IL9R: variants seen among roughly 807,000 people sequenced by gnomAD.
IL9R encodes interleukin-9 receptor.
Under a neutral mutation model 56.3 loss-of-function variants are expected in IL9R, and 54 were observed. That is an observed-to-expected ratio of 0.96 (90% CI 0.77 to 1.20). The LOEUF (loss-of-function observed/expected upper bound fraction) is 1.20. Among genes scored for constraint, IL9R ranks in the 50% most tolerant of loss-of-function variants. The pLI is 0.00. For missense variants in IL9R, 545 were observed against 629.8 expected (o/e 0.87, Z 1.44); for synonymous variants, 212 against 250.2 (o/e 0.85, Z 1.44).
intron 1 of IL9R, chrX:156,001,658 T>C (rs2067538303): frequency 3.5e-6 from 2 of 570,402 alleles, no homozygotes; most frequent in South Asian, 1.8e-5. Flanking sequence ...TGTGCGTGTC[T>C]GGTTTTTTCC....
intron 1 of IL9R, among the ~76,000 whole-genome samples, chrX:155,998,007 C>T (rs1165863088): frequency 2.0e-5 from 3 of 152,116 alleles, no homozygotes; most frequent in Non-Finnish European, 4.4e-5. Context: ...ATTTCCAGTC[C>T]TGTAGGGGTC....
chrX:156,007,015 T>C (rs1021196023), intron 7 of IL9R, among the ~76,000 whole-genome samples: 1 of 151,750 alleles, frequency 6.6e-6, no homozygotes, highest in African/African-American at 2.4e-5. Context: ...GGATGAGATA[T>C]GAGTGGTGAC....
intron 4 of IL9R, 75 bp downstream of exon 4, chrX:156,003,930 G>T: frequency 1.4e-6 from 2 of 1,470,792 alleles, no homozygotes; most frequent in Non-Finnish European, 1.9e-6. Flanking sequence ...TTGGAGCAGG[G>T]CCTTGCAGCC....
intron 1 of IL9R, among the ~76,000 whole-genome samples, chrX:156,001,056 G>C (rs375285340): frequency 1.3e-5 from 2 of 152,084 alleles, no homozygotes; most frequent in Admixed American, 6.5e-5. Context: ...CCCCCTTGTC[G>C]CTGTACCCAA....
chrX:156,001,597 G>A, intron 1 of IL9R: 1 of 891,110 alleles, frequency 1.1e-6, no homozygotes, highest in East Asian at 2.5e-5. Context: ...TGGGGTTAGA[G>A]TAGTGCCTGC....
At chrX:156,007,278 G>A (rs2068038815) in intron 7 of IL9R, among the ~76,000 whole-genome samples, 3 of 142,638 alleles carry the variant, frequency 2.1e-5, no homozygotes, top group South Asian at 2.3e-4. Flanking sequence ...TTCTGAACCC[G>A]CCATCGCAGC....
chrX:156,007,113 C>G (rs1438492593), intron 7 of IL9R, among the ~76,000 whole-genome samples: 1 of 151,066 alleles, frequency 6.6e-6, no homozygotes, highest in Non-Finnish European at 1.5e-5. Flanking sequence ...AGGTGACATC[C>G]TTGTGGGAGG....
chrX:156,000,122 C>G (rs914857867), intron 1 of IL9R, among the ~76,000 whole-genome samples: 1 of 137,626 alleles, frequency 7.3e-6, no homozygotes, highest in African/African-American at 2.8e-5. Flanking sequence ...AGCGACAGAG[C>G]GAGACTCCGT....
In IL9R at chrX:156,003,708, A is replaced by G. The variant is rs376030741; in HGVS notation, c.286A>G (p.Ile96Val). The change falls in exon 4 of 9, where the codon ATC (isoleucine) becomes GTC (valine). Residue 96 changes from isoleucine (I) to valine (V), a missense_variant. This residue lies in a region of IL9R where 431 missense variants were observed against 360.0 expected (regional missense o/e 1.20). Transcript: ENST00000244174. ...NQAPGGTHKC[I>V]LRGSECTVVL... ...GGCTCCTGGCGGCACACATAAGTGCATCTTGCGGGGCAGTGAGTGCACCGT... is the reference window on the plus strand; with the variant it reads ...GGCTCCTGGCGGCACACATAAGTGCGTCTTGCGGGGCAGTGAGTGCACCGT... The G allele has an allele frequency of 3.7e-6, 6 of 1,613,518 alleles. No homozygotes were observed. The highest frequency in any genetic ancestry group is 2.7e-5 in the African/African-American group (2 of 74,918).
At chrX:156,008,858 C>CGT (rs1165051522) in intron 8 of IL9R, among the ~76,000 whole-genome samples, 14 of 149,562 alleles carry the variant, frequency 9.4e-5, no homozygotes, top group South Asian at 6.4e-4. Flanking sequence ...GACAGCGATT[C>CGT]GTGTGTGTGT....
intron 1 of IL9R, 38 bp from the exon 2 acceptor site, chrX:156,002,868 G>C: frequency 1.2e-6 from 2 of 1,613,142 alleles, no homozygotes; most frequent in Admixed American, 3.3e-5. Flanking sequence ...TCCAGAGAGG[G>C]ATGATTTGCA....
chrX:156,004,059 G>A lies in IL9R; in HGVS notation c.433+204G>A, dbSNP rs182314834. Among the ~76,000 whole-genome samples the A allele has an allele frequency of 2.0e-4, 31 of 152,312 alleles. No homozygotes were observed. The East Asian group carries it at 6.0e-3, about 29-fold the overall frequency. On this transcript the variant is annotated intron_variant, in intron 4 of 8. Coordinates refer to ENST00000244174, the MANE Select transcript of IL9R (RefSeq NM_002186.3). ...TACTGCAGGGGCAGGGTTTTGGCAG[G>A]AAATAAACATGCACGGCTGCTAGTT...
intron 8 of IL9R, among the ~76,000 whole-genome samples, chrX:156,009,260 G>GTGTGTTTATGTGTGTGTGTC (rs2068291765): frequency 4.6e-5 from 4 of 86,756 alleles, no homozygotes; most frequent in South Asian, 4.5e-4. Flanking sequence ...GTCTGTGTGT[G>GTGTGTTTATGTGTGTGTGTC]TGTGTTTGTG....
Position 156,006,200 on chromosome X carries a change from A to T in IL9R, c.887+12A>T. On this transcript the variant is annotated intron_variant, in intron 7 of 8. Transcript: ENST00000244174. ...AAGCTGTCGCCCAGGTAGGTGGCTG[A>T]TGTGTGCGTGTGTGTACATGTGTGA... 1.0e-6 allele frequency: 1 copy of T among 975,624 alleles called. No homozygotes were observed. Among genetic ancestry groups the T allele is most frequent in the Non-Finnish European group, 1.6e-6 (1 of 620,666 alleles). The allele number at this position is 975,624 out of a possible 1,614,324, so 60.4% of individuals were successfully genotyped here.
chrX:156,002,909 G>A lies in IL9R; in HGVS notation c.32G>A (p.Trp11Ter), dbSNP rs2067632346. The stretch of plus-strand genomic sequence containing the variant: ...CCCTCAGCCCAGTCCCTTGCAGGCT[G>A]GACCTTGGAGAGTGAGGCCCTGAGG... MGLGRCIWEG[W>*]TLESEALRRD... Residue 11 changes from tryptophan to a stop codon, truncating the protein, a stop_gained, in exon 2 of 9, where the codon TGG becomes TAG. Transcript: ENST00000244174. LOFTEE classifies it high-confidence loss of function. 6.2e-7 allele frequency: 1 copy of A among 1,613,764 alleles called. No homozygotes were observed. Among genetic ancestry groups the A allele is most frequent in the Admixed American group, 1.7e-5 (1 of 60,002 alleles).
chrX:156,003,599 G>A, intron 3 of IL9R, 39 bp downstream of exon 3: 1 of 1,609,130 alleles, frequency 6.2e-7, no homozygotes, highest in Non-Finnish European at 8.5e-7. Context: ...ACAGGGATGA[G>A]GGTGAGTTCC....
rs768534818 is a variant in IL9R at position 156,003,030 on chromosome X, G to A, written c.142+11G>A. Reference sequence around the variant, plus strand: ...CAGGGGAAGGACAAGGTGAGGGCTGGGCACTAATGTCTGTATGAGGTGGGT... The same window carrying A: ...CAGGGGAAGGACAAGGTGAGGGCTGAGCACTAATGTCTGTATGAGGTGGGT... On this transcript the variant is annotated intron_variant, in intron 2 of 8. Coordinates refer to ENST00000244174, the MANE Select transcript of IL9R (RefSeq NM_002186.3). 6.2e-7 allele frequency: 1 copy of A among 1,613,754 alleles called. No individual in the cohort carries two copies. The highest frequency in any genetic ancestry group is 8.5e-7 in the Non-Finnish European group (1 of 1,179,824).
chrX:156,001,521 G>T (rs370520865), intron 1 of IL9R: 2 of 1,560,056 alleles, frequency 1.3e-6, no homozygotes, highest in Non-Finnish European at 1.8e-6. Flanking sequence ...GAGGCTTCCT[G>T]ATCATCAGTC....
intron 1 of IL9R, among the ~76,000 whole-genome samples, chrX:156,002,079 C>T (rs1207869761): frequency 5.3e-5 from 8 of 151,720 alleles, no homozygotes; most frequent in African/African-American, 1.5e-4. Flanking sequence ...CTGGTGCTCA[C>T]GCCTGTAATC....
Sources: gnomAD v4.1 joint callset for allele counts (sites outside exome capture counted in the v4.1 genomes callset) on GRCh38, gnomAD v4.1.1 for gene constraint, gnomAD v4.1.1 regional missense constraint, MANE v1.5 for transcripts, NCBI Gene and HGNC (gene_info 2026-07-23, HGNC 2026-07-21) for gene names.